ACO2: variants seen among roughly 807,000 people sequenced by gnomAD.
ACO2 encodes aconitate hydratase, mitochondrial.
ACO2 carries 31 observed loss-of-function variants against 84.5 expected under a neutral mutation model. That is an observed-to-expected ratio of 0.37 (90% CI 0.28 to 0.50). ACO2 has a LOEUF of 0.50. ACO2 is among the 20% of genes least tolerant of loss of function. The pLI, the probability that ACO2 is intolerant of heterozygous loss-of-function variation, is 0.97. For synonymous variants in ACO2, 414 were observed against 412.7 expected (o/e 1.00, Z -0.04); for missense variants, 685 against 1,029.3 (o/e 0.67, Z 4.58).
chr22:41,480,966 C>G (rs749072733), intron 1 of ACO2, among the ~76,000 whole-genome samples: 21 of 152,052 alleles, frequency 1.4e-4, no homozygotes, highest in Non-Finnish European at 2.4e-4. Flanking sequence ...TAGACACAGG[C>G]TAATTTTTGT....
intron 1 of ACO2, among the ~76,000 whole-genome samples, chr22:41,496,141 A>G (rs1047441368): frequency 6.6e-6 from 1 of 151,564 alleles, no homozygotes; most frequent in African/African-American, 2.4e-5. Context: ...GTGAAACCCC[A>G]TCTCCACCAA....
At chr22:41,488,680 G>A (rs971766586) in intron 1 of ACO2, among the ~76,000 whole-genome samples, 2 of 152,214 alleles carry the variant, frequency 1.3e-5, no homozygotes, top group African/African-American at 4.8e-5. Context: ...TGAAGGTGAA[G>A]GCTGTGGCTA....
chr22:41,525,101 G>A (rs2066569048), intron 13 of ACO2, 92 bp from the exon 14 acceptor site: 3 of 1,594,550 alleles, frequency 1.9e-6, no homozygotes, highest in Admixed American at 3.4e-5. Context: ...CCTGGGAGGG[G>A]AGGTGGGGCC....
At chr22:41,517,708 C>A in intron 7 of ACO2, 77 bp downstream of exon 7, 2 of 1,322,732 alleles carry the variant, frequency 1.5e-6, no homozygotes, top group Non-Finnish European at 2.2e-6. Context: ...CTATGCCTTT[C>A]CCTGTAGGGC....
rs752544837 is a variant in ACO2 at position 41,527,930 on chromosome 22, C to T, written c.2116C>T (p.Pro706Ser). ...CAACCTGAAGAAACAGGGCCTGCTG[C>T]CTCTGACCTTCGCTGACCCGGCTGA... Reference protein sequence around the residue: ...ETNLKKQGLLPLTFADPADYN... With the variant: ...ETNLKKQGLLSLTFADPADYN... Residue 706 changes from proline to serine, a missense_variant, in exon 17 of 18, where the codon CCT (proline) becomes TCT (serine). By Grantham distance (74) the Pro-to-Ser change is moderately conservative (BLOSUM62 -1). Coordinates refer to ENST00000216254, the MANE Select transcript of ACO2 (RefSeq NM_001098.3). 2 of 1,614,196 alleles carry T rather than the reference C, an allele frequency of 1.2e-6. No homozygotes were observed. Among genetic ancestry groups the T allele is most frequent in the Non-Finnish European group, 1.7e-6 (2 of 1,180,020 alleles).
intron 7 of ACO2, 121 bp from the exon 8 acceptor site, chr22:41,518,360 T>C (rs1173923495): frequency 8.4e-5 from 60 of 715,882 alleles, no homozygotes; most frequent in Non-Finnish European, 1.1e-4. Flanking sequence ...GGTTTCTTCA[T>C]TGGCCTAGTC....
intron 17 of ACO2, 99 bp downstream of exon 17, chr22:41,528,121 A>T: frequency 6.5e-7 from 1 of 1,543,254 alleles, no homozygotes; most frequent in South Asian, 1.2e-5. Context: ...AGGAGGCTTC[A>T]TTCCAGCTGG....
chr22:41,520,128 C>G, intron 8 of ACO2, 43 bp from the exon 9 acceptor site: 79 of 1,505,856 alleles, frequency 5.2e-5, no homozygotes, highest in Non-Finnish European at 7.0e-5. Context: ...TTCAAGGTTT[C>G]TTCCCTCCTC....
At chr22:41,469,291 C>T (rs2037909393) in intron 1 of ACO2, 109 bp downstream of exon 1, 5 of 1,352,030 alleles carry the variant, frequency 3.7e-6, no homozygotes, top group East Asian at 5.2e-5. Context: ...GCCAACTTCT[C>T]GTGTACCTGT....
intron 1 of ACO2, among the ~76,000 whole-genome samples, chr22:41,476,917 G>A (rs2038022209): frequency 6.6e-6 from 1 of 151,438 alleles, no homozygotes; most frequent in South Asian, 2.1e-4. Context: ...GGGAGGCCGA[G>A]GTGGGTGGAT....
intron 1 of ACO2, among the ~76,000 whole-genome samples, chr22:41,477,628 C>T (rs959601020): frequency 5.3e-5 from 8 of 152,184 alleles, no homozygotes; most frequent in East Asian, 3.9e-4. Flanking sequence ...ACAGGGTAGT[C>T]GTGGGATTGT....
In ACO2 at chr22:41,523,899, C is replaced by T. The variant is rs751654886; in HGVS notation, c.1440C>T (p.Asn480=). ...ACAACAGGAACTTCACGGGCCGCAA[C>T]GACGCAAACCCCGAGACCCATGCCT... The part of the protein sequence containing the change: ...TSYNRNFTGR[N]DANPETHAFV... Residue 480 remains asparagine, a synonymous_variant, in exon 12 of 18, where the codon AAC becomes AAT. Coordinates refer to ENST00000216254, the MANE Select transcript of ACO2 (RefSeq NM_001098.3). 24 of 1,612,734 alleles carry T rather than the reference C, an allele frequency of 1.5e-5. No homozygotes were observed. Among genetic ancestry groups the T allele is most frequent in the East Asian group, 6.7e-5 (3 of 44,866 alleles).
At position 41,522,873 on chromosome 22, in the gene ACO2, G is replaced by A. The variant is rs775555834; in HGVS notation, c.1182G>A (p.Gly394=). ...SCTNSSYEDM[G]RSAAVAKQAL... is the part of the protein sequence containing the mutation. ...CCAATTCAAGCTATGAAGATATGGG[G>A]CGCTCAGCAGCTGTGGCCAAGCAGG... Residue 394 remains glycine (G), a synonymous_variant, in exon 10 of 18, where the codon GGG becomes GGA. Transcript: ENST00000216254. 1 of 1,614,208 alleles carries A rather than the reference G, an allele frequency of 6.2e-7. No homozygotes were observed. Among genetic ancestry groups the A allele is most frequent in the Non-Finnish European group, 8.5e-7 (1 of 1,180,030 alleles).
chr22:41,473,473 C>G (rs980796877), intron 1 of ACO2, among the ~76,000 whole-genome samples: 4 of 152,162 alleles, frequency 2.6e-5, no homozygotes, highest in African/African-American at 9.7e-5. Context: ...CATTACACTC[C>G]AGCCTGGGCA....
At chr22:41,512,561 C>T (rs766605280) in intron 4 of ACO2, among the ~76,000 whole-genome samples, 5 of 152,150 alleles carry the variant, frequency 3.3e-5, no homozygotes, top group African/African-American at 4.8e-5. Context: ...TGCCCCATGC[C>T]ACCGTGCTGC....
intron 6 of ACO2, among the ~76,000 whole-genome samples, chr22:41,516,634 G>A (rs1432989544): frequency 6.6e-6 from 1 of 152,196 alleles, no homozygotes; most frequent in African/African-American, 2.4e-5. Context: ...TCCTGAGGCA[G>A]GTGGCCTGGT....
intron 1 of ACO2, among the ~76,000 whole-genome samples, chr22:41,493,173 G>A (rs554065335): frequency 2.6e-5 from 4 of 152,254 alleles, no homozygotes; most frequent in Non-Finnish European, 5.9e-5. Context: ...ATCCGGTCAT[G>A]AGGGTAGCGC....
At chr22:41,480,506 C>T (rs1397979713) in intron 1 of ACO2, among the ~76,000 whole-genome samples, 2 of 151,986 alleles carry the variant, frequency 1.3e-5, no homozygotes, top group Non-Finnish European at 2.9e-5. Context: ...GAGAAGTAGG[C>T]GGCATAGTGG....
At chr22:41,498,405 A>G (rs1245038429) in intron 1 of ACO2, among the ~76,000 whole-genome samples, 3 of 152,204 alleles carry the variant, frequency 2.0e-5, no homozygotes, top group Non-Finnish European at 4.4e-5. Flanking sequence ...AAGGCTTAAA[A>G]CAACAACAAG....
Sources: allele counts gnomAD v4.1 joint callset (sites outside exome capture counted in the v4.1 genomes callset), GRCh38; gene constraint gnomAD v4.1.1; transcripts MANE v1.5; gene names NCBI Gene and HGNC (gene_info 2026-07-23, HGNC 2026-07-21).